Variants in PEAK1 observed in about 807,000 individuals in gnomAD.
The protein encoded by PEAK1 is pseudopodium enriched atypical kinase 1.
A neutral mutation model predicts 124.7 loss-of-function variants in PEAK1; 54 were observed. That is an observed-to-expected ratio of 0.43 (90% CI 0.35 to 0.54). The LOEUF (loss-of-function observed/expected upper bound fraction) is 0.54. Among genes scored for constraint, PEAK1 ranks in the 20% least tolerant of loss-of-function variants. The probability of loss-of-function intolerance (pLI) is 0.01; values close to 1 mark genes in which losing one functional copy is unlikely to be tolerated. For missense variants in PEAK1, 2,046 were observed against 2,134.5 expected, an observed-to-expected ratio of 0.96 and a Z score of 0.82; for synonymous variants, 719 against 760.0, an observed-to-expected ratio of 0.95 and a Z score of 0.89.
At chr15:77,143,304 C>T (rs1000476738) in intron 8 of PEAK1, among the ~76,000 whole-genome samples, 2 of 152,182 alleles carry the variant, frequency 1.3e-5, no homozygotes, top group Non-Finnish European at 2.9e-5. Context: ...CAGTGAATTG[C>T]ACCAGCTGAG....
rs777293138 is a variant in PEAK1 at position 77,180,077 on chromosome 15, G to A, written c.1850C>T (p.Ala617Val). The change falls in exon 7 of 10, where the codon GCT (alanine) becomes GTT (valine). Residue 617 changes from alanine to valine, a missense_variant. Ala to Val is a moderately conservative substitution (Grantham distance 64). Coordinates refer to ENST00000682557, the MANE Select transcript of PEAK1 (RefSeq NM_001385026.1). ...PIIIHDEPTY[A>V]RSSKNAIKVP... Reference sequence around the variant, plus strand: ...TTTGATAGCATTTTTGGAACTCCGAGCATAAGTTGGCTCGTCATGAATGAT... The same window carrying A: ...TTTGATAGCATTTTTGGAACTCCGAACATAAGTTGGCTCGTCATGAATGAT... 2 of 1,613,986 alleles carry A rather than the reference G, an allele frequency of 1.2e-6. No homozygotes were observed. Among genetic ancestry groups the A allele is most frequent in the South Asian group, 2.2e-5 (2 of 91,078 alleles).
intron 5 of PEAK1, among the ~76,000 whole-genome samples, chr15:77,270,044 T>C (rs550802899): frequency 1.3e-5 from 2 of 152,312 alleles, no homozygotes; most frequent in South Asian, 4.1e-4. Context: ...GATAGTTTGT[T>C]ATAATTTCTG....
intron 7 of PEAK1, 163 bp downstream of exon 7, chr15:77,178,626 TA>T: frequency 1.4e-6 from 1 of 737,560 alleles, no homozygotes; most frequent in Non-Finnish European, 2.2e-6. Flanking sequence ...AAGATCACTT[TA>T]ATACTATTCT....
intron 2 of PEAK1, among the ~76,000 whole-genome samples, chr15:77,340,885 T>C (rs1294574708): frequency 6.6e-6 from 1 of 151,412 alleles, no homozygotes; most frequent in African/African-American, 2.4e-5. Flanking sequence ...TTTCCATGAC[T>C]CCCTCAAGTT....
intron 2 of PEAK1, chr15:77,337,066 A>G (rs2141290880): frequency 1.1e-6 from 1 of 925,290 alleles, no homozygotes; most frequent in Middle Eastern, 5.5e-4. Flanking sequence ...GAATGAGTAA[A>G]GATAGGAAAA....
intron 2 of PEAK1, among the ~76,000 whole-genome samples, chr15:77,360,070 G>C (rs909001139): frequency 1.3e-5 from 2 of 152,156 alleles, no homozygotes; most frequent in Non-Finnish European, 2.9e-5. Context: ...CATAAGGATA[G>C]ACAAATCAAT....
rs146180974 is a variant in PEAK1 at position 77,212,124 on chromosome 15, A to T, written c.-114-30084T>A. 9.0e-3 allele frequency among the ~76,000 whole-genome samples: 1,374 copies of T among 152,306 alleles called. 4 individuals are homozygous for T. The highest frequency in any genetic ancestry group is 0.031 in the Middle Eastern group (9 of 294). Reference sequence around the variant, plus strand: ...ATATAATCATTGAATTTTCAAAATAAACTTATAAAGAAAGATTTTTCATTT... The same window carrying T: ...ATATAATCATTGAATTTTCAAAATATACTTATAAAGAAAGATTTTTCATTT... On this transcript the variant is annotated intron_variant, in intron 6 of 9. Coordinates refer to ENST00000682557, the MANE Select transcript of PEAK1 (RefSeq NM_001385026.1).
In PEAK1 at chr15:77,158,641, C is replaced by T. The variant is rs749506267; in HGVS notation, c.3193G>A (p.Val1065Ile). The T allele has an allele frequency of 6.2e-7, 1 of 1,614,120 alleles. No homozygotes were observed. The highest frequency in any genetic ancestry group is 8.5e-7 in the Non-Finnish European group (1 of 1,179,994). ...DFSPRDPRTV[V>I]GKQDGRGCTS... ...CAGCCCCTGCCATCTTGCTTCCCAA[C>T]AACAGTTCTTGGATCCCGAGGAGAA... Residue 1065 changes from valine (V) to isoleucine (I), a missense_variant, in exon 8 of 10, where the codon GTT (valine) becomes ATT (isoleucine). By Grantham distance (29) the Val-to-Ile change is conservative. Coordinates refer to ENST00000682557, the MANE Select transcript of PEAK1 (RefSeq NM_001385026.1).
intron 7 of PEAK1, among the ~76,000 whole-genome samples, chr15:77,163,085 T>C (rs1188744694): frequency 6.6e-6 from 1 of 152,212 alleles, no homozygotes; most frequent in Admixed American, 6.5e-5. Context: ...TCTAGGTCCT[T>C]GATCTTCAGG....
chr15:77,343,333 T>C (rs908772927), intron 2 of PEAK1, among the ~76,000 whole-genome samples: 5 of 152,192 alleles, frequency 3.3e-5, no homozygotes, highest in Admixed American at 2.6e-4. Flanking sequence ...TTGTGAGTTA[T>C]AGGAATTTTT....
intron 6 of PEAK1, among the ~76,000 whole-genome samples, chr15:77,203,943 C>T (rs1219872273): frequency 6.6e-6 from 1 of 151,978 alleles, no homozygotes; most frequent in Non-Finnish European, 1.5e-5. Flanking sequence ...AAAACGTCTA[C>T]TCTGCAAAAG....
intron 1 of PEAK1, among the ~76,000 whole-genome samples, chr15:77,388,960 ATTT>A (rs751451938): frequency 4.9e-5 from 6 of 121,676 alleles, no homozygotes; most frequent in Non-Finnish European, 7.1e-5. Flanking sequence ...TCTTTTGCTT[ATTT>A]TTTTTTTTTT....
chr15:77,124,621 T>C (rs2052215321), intron 9 of PEAK1, among the ~76,000 whole-genome samples: 1 of 152,234 alleles, frequency 6.6e-6, no homozygotes, highest in Admixed American at 6.5e-5. Flanking sequence ...TCATTTTACC[T>C]GGACTACTGC....
intron 2 of PEAK1, chr15:77,346,243 C>T (rs1406327353): frequency 1.1e-6 from 1 of 925,496 alleles, no homozygotes; most frequent in Admixed American, 6.2e-5. Context: ...TCAATGTCAT[C>T]TCTTCTGAAA....
intron 6 of PEAK1, among the ~76,000 whole-genome samples, chr15:77,185,953 A>G (rs2057525185): frequency 6.6e-6 from 1 of 152,202 alleles, no homozygotes; most frequent in African/African-American, 2.4e-5. Context: ...CACAGTAAAT[A>G]AGAAAGACCC....
rs931165814 is a variant in PEAK1 at position 77,133,937 on chromosome 15, C to G, written c.3332-187G>C. ...TACCTAAACATTGAAGTATCCAAGCCTTGGTGGGAACGACAAATATGCATA... is the reference window on the plus strand; with the variant it reads ...TACCTAAACATTGAAGTATCCAAGCGTTGGTGGGAACGACAAATATGCATA... On this transcript the variant is annotated intron_variant, in intron 8 of 9. Coordinates refer to ENST00000682557, the MANE Select transcript of PEAK1 (RefSeq NM_001385026.1). The surrounding 1 kb of genome is among the most constrained non-coding windows in gnomAD (Gnocchi z 4.2). Among the ~76,000 whole-genome samples the G allele has an allele frequency of 2.2e-4, 34 of 152,154 alleles. No homozygotes were observed. Among genetic ancestry groups the G allele is most frequent in the African/African-American group, 8.0e-4 (33 of 41,498 alleles).
At chr15:77,374,026 T>A (rs926961969) in intron 1 of PEAK1, among the ~76,000 whole-genome samples, 1 of 152,208 alleles carries the variant, frequency 6.6e-6, no homozygotes, top group Non-Finnish European at 1.5e-5. Context: ...AAATCTTCAA[T>A]GTGATACTTT....
At chr15:77,342,550 C>A (rs2066611083) in intron 2 of PEAK1, among the ~76,000 whole-genome samples, 1 of 151,916 alleles carries the variant, frequency 6.6e-6, no homozygotes, top group Non-Finnish European at 1.5e-5. Flanking sequence ...GGGCTACAGG[C>A]AGGAGCCACC....
At chr15:77,249,991 A>C (rs2152923338) in intron 6 of PEAK1, among the ~76,000 whole-genome samples, 1 of 151,726 alleles carries the variant, frequency 6.6e-6, no homozygotes, top group South Asian at 2.1e-4. Context: ...TTTTTTAAAT[A>C]GTTGAGAACC....
Sources: gnomAD v4.1 joint callset for allele counts (sites outside exome capture counted in the v4.1 genomes callset) on GRCh38, gnomAD v4.1.1 for gene constraint, Gnocchi (gnomAD v3.1) non-coding constraint, MANE v1.5 for transcripts, NCBI Gene and HGNC (gene_info 2026-07-23, HGNC 2026-07-21) for gene names.